GNPTG: variants seen among roughly 807,000 people sequenced by gnomAD.
The protein encoded by GNPTG is N-acetylglucosamine-1-phosphate transferase subunit gamma.
In GNPTG, 46 loss-of-function variants were observed where a neutral mutation model predicts 43.8. The ratio of observed to expected loss-of-function variants is 1.05; its 90% confidence interval spans 0.83 to 1.34. The LOEUF is 1.34. GNPTG is among the 40% of genes most tolerant of loss of function. The probability of loss-of-function intolerance (pLI) is 0.00; values close to 1 mark genes in which losing one functional copy is unlikely to be tolerated. For synonymous variants in GNPTG, 250 were observed against 172.8 expected (o/e 1.45, Z -3.50); for missense variants, 549 against 411.3 (o/e 1.33, Z -2.90).
chr16:1,363,542 A>C lies in GNPTG; in HGVS notation c.*451A>C, dbSNP rs1272616279. ...AACACTAGAGTTACAGACGACAGGC[A>C]ACAAGAACATGCAGAGCCGGCCGCC... On this transcript the variant is annotated 3_prime_UTR_variant, in exon 11 of 11. Coordinates refer to ENST00000204679, the MANE Select transcript of GNPTG (RefSeq NM_032520.5). 4.0e-6 allele frequency: 1 copy of C among 248,834 alleles called. No individual in the cohort carries two copies. Among genetic ancestry groups the C allele is most frequent in the Non-Finnish European group, 8.0e-6 (1 of 124,372 alleles). The allele number at this position is 248,834 out of a possible 1,614,324, so 15.4% of individuals were successfully genotyped here.
At chr16:1,361,415 T>A (rs1343134354) in intron 3 of GNPTG, 4 of 354,950 alleles carry the variant, frequency 1.1e-5, no homozygotes, top group Non-Finnish European at 1.6e-5. Context: ...GAGGCCGAGG[T>A]GGGTGGATCA....
Position 1,364,098 on chromosome 16 carries a change from A to G in GNPTG, c.*1007A>G, listed in dbSNP as rs2035044823. The G allele has an allele frequency of 1.3e-5, 2 of 152,242 alleles. No individual in the cohort carries two copies. Among genetic ancestry groups the G allele is most frequent in the South Asian group, 2.1e-4 (1 of 4,834 alleles). 9.4% of individuals were successfully genotyped at this position (152,242 alleles called of 1,614,324 possible). The stretch of plus-strand genomic sequence containing the variant: ...CAAGTGCATAAATACAAATAAAAAC[A>G]GAGTTTACACATCGATGACAGTAGC... On this transcript the variant is annotated 3_prime_UTR_variant, in exon 11 of 11. Transcript: ENST00000204679.
At position 1,363,348 on chromosome 16, in the gene GNPTG, A is replaced by G; in HGVS notation, c.*257A>G. 8.2e-6 allele frequency: 4 copies of G among 485,458 alleles called. No individual in the cohort carries two copies. Among genetic ancestry groups the G allele is most frequent in the African/African-American group, 7.8e-5 (4 of 51,380 alleles). The allele number at this position is 485,458 out of a possible 1,614,324, so 30.1% of individuals were successfully genotyped here. On this transcript the variant is annotated 3_prime_UTR_variant, in exon 11 of 11. Transcript: ENST00000204679. ...TCGCTACAAGTAAATGATTATAAAT[A>G]CTACCTTCTGGGTTAAGAAAATTCC...
At chr16:1,357,083 G>T (rs2034791629) in intron 3 of GNPTG, among the ~76,000 whole-genome samples, 1 of 152,198 alleles carries the variant, frequency 6.6e-6, no homozygotes, top group Non-Finnish European at 1.5e-5. Context: ...CCAAGCCCAA[G>T]CACCCCAGGC....
chr16:1,355,907 C>T (rs2034766568), intron 3 of GNPTG, among the ~76,000 whole-genome samples: 1 of 151,558 alleles, frequency 6.6e-6, no homozygotes, highest in Non-Finnish European at 1.5e-5. Flanking sequence ...CCAGGCAGTC[C>T]CTGGTGCTTG....
At chr16:1,354,443 G>A (rs536785963) in intron 3 of GNPTG, among the ~76,000 whole-genome samples, 7 of 151,774 alleles carry the variant, frequency 4.6e-5, no homozygotes, top group Non-Finnish European at 7.4e-5. Context: ...AAAGTTAGCC[G>A]GGCATAGTGG....
chr16:1,358,009 C>T (rs369983412), intron 3 of GNPTG, among the ~76,000 whole-genome samples: 53 of 152,124 alleles, frequency 3.5e-4, no homozygotes, highest in African/African-American at 1.3e-3. Context: ...GGCTGACAGT[C>T]TCGGTGGGCG....
intron 3 of GNPTG, among the ~76,000 whole-genome samples, chr16:1,357,398 G>C (rs1183986498): frequency 6.6e-6 from 1 of 152,218 alleles, no homozygotes; most frequent in African/African-American, 2.4e-5. Context: ...GGGCCAGGCT[G>C]AGGGTGGCCC....
chr16:1,357,452 C>T (rs755238160), intron 3 of GNPTG, among the ~76,000 whole-genome samples: 2 of 152,148 alleles, frequency 1.3e-5, no homozygotes, highest in African/African-American at 2.4e-5. Context: ...TCCCAGGGAA[C>T]AGTCACCCAG....
chr16:1,358,673 T>C (rs2141858404), intron 3 of GNPTG, among the ~76,000 whole-genome samples: 1 of 152,220 alleles, frequency 6.6e-6, no homozygotes. Context: ...CCAAACTGTT[T>C]GCATAGTGGC....
At chr16:1,352,506 C>T (rs894044130) in intron 3 of GNPTG, 200 bp downstream of exon 3, 4 of 640,326 alleles carry the variant, frequency 6.2e-6, no homozygotes, top group Non-Finnish European at 1.1e-5. Context: ...CTTAGTCCTT[C>T]CTTTCCTTTC....
chr16:1,359,895 A>C (rs897938222), intron 3 of GNPTG, among the ~76,000 whole-genome samples: 3 of 151,896 alleles, frequency 2.0e-5, no homozygotes, highest in African/African-American at 4.8e-5. Context: ...GGATCACCTG[A>C]GGTCAGGAGT....
rs1404740071 is a variant in GNPTG, at chr16:1,362,546, C to T, written c.609+12C>T. ...TGATCACCCCCCAGGTAAGCGTGCG[C>T]TCGGGGTGGCCCCTGGTGGGCCTGG... On this transcript the variant is annotated intron_variant, in intron 8 of 10. Transcript: ENST00000204679. The T allele has an allele frequency of 6.2e-7, 1 of 1,614,150 alleles. No homozygotes were observed. Among genetic ancestry groups the T allele is most frequent in the East Asian group, 2.2e-5 (1 of 44,876 alleles).
At chr16:1,357,488 T>C (rs544803375) in intron 3 of GNPTG, among the ~76,000 whole-genome samples, 18 of 151,820 alleles carry the variant, frequency 1.2e-4, no homozygotes, top group Admixed American at 1.1e-3. Flanking sequence ...TCGACTTTAT[T>C]ATTATTATTA....
At chr16:1,361,605 C>G (rs2034878870) in intron 3 of GNPTG, 138 bp from the exon 4 acceptor site, 1 of 845,608 alleles carries the variant, frequency 1.2e-6, no homozygotes, top group Non-Finnish European at 1.9e-6. Context: ...GATCATGCCA[C>G]TGCACTCCAG....
Position 1,363,192 on chromosome 16 carries a change from A to C in GNPTG, c.*101A>C, listed in dbSNP as rs963753126. 5 of 955,900 alleles carry C rather than the reference A, an allele frequency of 5.2e-6. No individual in the cohort carries two copies. The highest frequency in any genetic ancestry group is 3.2e-5 in the African/African-American group (2 of 61,644). 59.2% of individuals were successfully genotyped at this position (955,900 alleles called of 1,614,324 possible). A position where few individuals can be genotyped will look rare whatever the true frequency, so the allele number is the denominator to read the frequency against. Reference sequence around the variant, plus strand: ...CAGCTGACCAGGCTTGTGCTCAGAGAAGCAGACAAAACAAAGATTCAAGGT... The same window carrying C: ...CAGCTGACCAGGCTTGTGCTCAGAGCAGCAGACAAAACAAAGATTCAAGGT... On this transcript the variant is annotated 3_prime_UTR_variant, in exon 11 of 11. Coordinates refer to ENST00000204679, the MANE Select transcript of GNPTG (RefSeq NM_032520.5).
At chr16:1,355,749 A>G (rs1228478050) in intron 3 of GNPTG, among the ~76,000 whole-genome samples, 1 of 117,560 alleles carries the variant, frequency 8.5e-6, no homozygotes, top group Non-Finnish European at 1.7e-5. Context: ...GGGCCTTGGC[A>G]GGGTCCTGGA....
intron 3 of GNPTG, chr16:1,361,444 A>C: frequency 2.6e-6 from 1 of 378,432 alleles, no homozygotes; most frequent in Middle Eastern, 8.8e-4. Flanking sequence ...GGAGATCGAG[A>C]CCATCCTGGC....
Position 1,363,629 on chromosome 16 carries a change from A to G in GNPTG, c.*538A>G, listed in dbSNP as rs1351471709. The G allele has an allele frequency of 1.0e-5, 2 of 194,636 alleles. No individual in the cohort carries two copies. The highest frequency in any genetic ancestry group is 4.8e-5 in the African/African-American group (2 of 41,970). The allele number at this position is 194,636 out of a possible 1,614,324, so 12.1% of individuals were successfully genotyped here. A position where few individuals can be genotyped will look rare whatever the true frequency, so the allele number is the denominator to read the frequency against. On this transcript the variant is annotated 3_prime_UTR_variant, in exon 11 of 11. Transcript: ENST00000204679. The stretch of plus-strand genomic sequence containing the variant: ...GGGGGGAGCTGCTGGGCGCGCCTCC[A>G]CCTCAGCCTCCACGGGGCACCTTCC...
Sources: gnomAD v4.1 joint callset for allele counts (sites outside exome capture counted in the v4.1 genomes callset) on GRCh38, gnomAD v4.1.1 for gene constraint, MANE v1.5 for transcripts, NCBI Gene and HGNC (gene_info 2026-07-23, HGNC 2026-07-21) for gene names.